GLI3: variants seen among roughly 807,000 people sequenced by gnomAD.
GLI3 encodes the protein GLI family zinc finger 3.
Under a neutral mutation model 100.8 loss-of-function variants are expected in GLI3, and 20 were observed. The ratio of observed to expected loss-of-function variants is 0.20; its 90% CI spans 0.14 to 0.29. GLI3 has a LOEUF of 0.29. Among genes scored for constraint, GLI3 ranks in the 10% least tolerant of loss-of-function variants. The pLI, the probability that GLI3 is intolerant of heterozygous loss-of-function variation, is 1.00. For synonymous variants in GLI3, 938 were observed against 860.5 expected, an observed-to-expected ratio of 1.09 and a Z score of -1.58; for missense variants, 2,040 against 2,128.5, an observed-to-expected ratio of 0.96 and a Z score of 0.82.
intron 3 of GLI3, among the ~76,000 whole-genome samples, chr7:42,080,335 T>G (rs1008665479): frequency 5.3e-5 from 8 of 152,224 alleles, no homozygotes; most frequent in African/African-American, 1.9e-4. Context: ...CACCAAATTC[T>G]TAATGCTTAT....
chr7:42,252,107 G>C (rs988645869), intron 1 of GLI3, among the ~76,000 whole-genome samples: 4 of 152,150 alleles, frequency 2.6e-5, no homozygotes, highest in African/African-American at 9.7e-5. Flanking sequence ...TGCCCATCAA[G>C]GATAGACTGG....
At chr7:42,097,557 GGGCTCTCGTGTCCATGGAAAT>G (rs1473641218) in intron 3 of GLI3, among the ~76,000 whole-genome samples, 1 of 152,184 alleles carries the variant, frequency 6.6e-6, no homozygotes, top group Non-Finnish European at 1.5e-5. Flanking sequence ...GACCCAGCAG[GGGCTCTCGTGTCCATGGAAAT>G]GGCCAGGATC....
intron 3 of GLI3, among the ~76,000 whole-genome samples, chr7:42,141,685 A>T (rs999949034): frequency 1.3e-5 from 2 of 152,122 alleles, no homozygotes; most frequent in African/African-American, 2.4e-5. Flanking sequence ...AATAAAAAAT[A>T]AAAAAATGCA....
intron 2 of GLI3, among the ~76,000 whole-genome samples, chr7:42,217,998 G>A (rs1438754485): frequency 6.6e-6 from 1 of 152,152 alleles, no homozygotes; most frequent in Non-Finnish European, 1.5e-5. Flanking sequence ...AAACTAGAAC[G>A]CTGAAAAGTT....
chr7:42,040,035 T>A lies in GLI3; in HGVS notation c.1028+3A>T, dbSNP rs368499795. 52 of 1,603,492 alleles carry A rather than the reference T, an allele frequency of 3.2e-5. No individual in the cohort carries two copies. The African/African-American group carries it at 6.8e-4, about 21-fold the overall frequency. On this transcript the variant is annotated splice_donor_region_variant and intron_variant, in intron 7 of 14. Coordinates refer to ENST00000395925, the MANE Select transcript of GLI3 (RefSeq NM_000168.6). ...CACATAATGGATTCAGGAAAATACA[T>A]ACCTGATTGCACTTGCAGATAAGTG...
At chr7:42,168,294 T>C (rs542119145) in intron 2 of GLI3, among the ~76,000 whole-genome samples, 1 of 152,304 alleles carries the variant, frequency 6.6e-6, no homozygotes, top group East Asian at 1.9e-4. Flanking sequence ...TGTTCTTTAC[T>C]TTGCTCAAGA....
intron 2 of GLI3, among the ~76,000 whole-genome samples, chr7:42,181,421 T>C (rs1403770983): frequency 6.6e-6 from 1 of 151,884 alleles, no homozygotes; most frequent in African/African-American, 2.4e-5. Flanking sequence ...GGCAACATGA[T>C]GAAACCCTGT....
intron 3 of GLI3, among the ~76,000 whole-genome samples, chr7:42,111,580 C>T (rs1785707570): frequency 6.6e-6 from 1 of 152,144 alleles, no homozygotes; most frequent in South Asian, 2.1e-4. Flanking sequence ...GTGTCATTTT[C>T]TATGGGCCAA....
In GLI3 at chr7:41,965,915, T is replaced by C; in HGVS notation, c.3158A>G (p.Glu1053Gly). ...GTGGAAGTTTCGGGACTGGCCGCCC[T>C]CGGGCCGCGTGTAATTCTGAAGCAC... is the stretch of plus-strand genomic sequence containing the variant. The part of the protein sequence containing the change: ...SLVLQNYTRP[E>G]GGQSRNFHSS... Residue 1053 changes from glutamate to glycine, a missense_variant, in exon 15 of 15, where the codon GAG becomes GGG. Coordinates refer to ENST00000395925, the MANE Select transcript of GLI3 (RefSeq NM_000168.6). 4.3e-6 allele frequency: 7 copies of C among 1,613,146 alleles called. No individual in the cohort carries two copies. The highest frequency in any genetic ancestry group is 4.0e-5 in the African/African-American group (3 of 74,910).
At chr7:42,000,645 C>T (rs1788260542) in intron 10 of GLI3, among the ~76,000 whole-genome samples, 1 of 151,938 alleles carries the variant, frequency 6.6e-6, no homozygotes, top group Non-Finnish European at 1.5e-5. Flanking sequence ...GCAATGATGC[C>T]TATAAAAAAA....
chr7:42,252,398 G>A lies in GLI3; in HGVS notation c.-43+11596C>T, dbSNP rs1164093331. ...GAAAAAATACTAGGCTTAGTACCTG[G>A]GTGATGAAATAATCTGTACACCAAA... On this transcript the variant is annotated intron_variant, in intron 1 of 2. Coordinates refer to the GLI3 transcript ENST00000678978. 3.3e-5 allele frequency among the ~76,000 whole-genome samples: 5 copies of A among 152,102 alleles called. No individual in the cohort carries two copies. The East Asian group carries it at 9.7e-4, about 29-fold the overall frequency.
intron 3 of GLI3, among the ~76,000 whole-genome samples, chr7:42,119,919 G>A (rs949429625): frequency 2.0e-5 from 3 of 152,232 alleles, no homozygotes; most frequent in Admixed American, 1.3e-4. Flanking sequence ...CAAAACTCCC[G>A]GGGATGTGTT....
intron 10 of GLI3, among the ~76,000 whole-genome samples, chr7:41,981,961 AGCAT>A: frequency 6.6e-6 from 1 of 152,262 alleles, no homozygotes. Context: ...CCAGTCAGCA[AGCAT>A]GAACACCCTT....
intron 3 of GLI3, among the ~76,000 whole-genome samples, chr7:42,112,231 C>A (rs116877622): frequency 6.6e-6 from 1 of 152,132 alleles, no homozygotes; most frequent in Non-Finnish European, 1.5e-5. Context: ...AAGACTGTGT[C>A]CACTGTTATT....
At chr7:42,169,928 T>C (rs1787329521) in intron 2 of GLI3, among the ~76,000 whole-genome samples, 1 of 151,922 alleles carries the variant, frequency 6.6e-6, no homozygotes, top group African/African-American at 2.4e-5. Flanking sequence ...TTACTTCTTA[T>C]ATTTACTGTG....
intron 3 of GLI3, among the ~76,000 whole-genome samples, chr7:42,105,902 C>T (rs905180227): frequency 6.6e-6 from 1 of 152,112 alleles, no homozygotes; most frequent in Non-Finnish European, 1.5e-5. Context: ...AGGTCACGCC[C>T]GAGGTACATC....
intron 1 of GLI3, among the ~76,000 whole-genome samples, chr7:42,250,385 A>C (rs987367069): frequency 6.6e-6 from 1 of 152,234 alleles, no homozygotes; most frequent in African/African-American, 2.4e-5. Flanking sequence ...TAAGGCAAGA[A>C]GAAGAGAACT....
chr7:41,992,423 G>T (rs1308079796), intron 10 of GLI3, among the ~76,000 whole-genome samples: 1 of 152,120 alleles, frequency 6.6e-6, no homozygotes, highest in Non-Finnish European at 1.5e-5. Flanking sequence ...CTGGTAGAGA[G>T]ATCCCACAGA....
intron 3 of GLI3, among the ~76,000 whole-genome samples, chr7:42,104,582 T>C (rs1785534672): frequency 6.6e-6 from 1 of 152,248 alleles, no homozygotes; most frequent in Non-Finnish European, 1.5e-5. Flanking sequence ...AACACACATT[T>C]CTGAGATTCA....
Sources: gnomAD v4.1 joint callset for allele counts (sites outside exome capture counted in the v4.1 genomes callset) on GRCh38, gnomAD v4.1.1 for gene constraint, MANE v1.5 for transcripts, NCBI Gene and HGNC (gene_info 2026-07-23, HGNC 2026-07-21) for gene names.